The following CLPTM1 variants were observed in gnomAD, a reference collection of about 807,000 sequenced individuals.
CLPTM1 encodes putative lipid scramblase CLPTM1.
A neutral mutation model predicts 77.3 loss-of-function variants in CLPTM1; 21 were observed. The ratio of observed to expected loss-of-function variants is 0.27; its 90% CI spans 0.19 to 0.39. CLPTM1 has a LOEUF of 0.39. CLPTM1 is among the 10% of genes least tolerant of loss of function. CLPTM1 has a pLI of 1.00. For missense variants in CLPTM1, 642 were observed against 921.2 expected (o/e 0.70, Z 3.92); for synonymous variants, 373 against 381.0 (o/e 0.98, Z 0.24).
At chr19:44,961,755 T>C (rs1278507304) in intron 1 of CLPTM1, among the ~76,000 whole-genome samples, 1 of 152,188 alleles carries the variant, frequency 6.6e-6, no homozygotes, top group Non-Finnish European at 1.5e-5. Context: ...AGGTCACCAC[T>C]GTCCCTAGGT....
upstream of CLPTM1, chr19:44,954,630 G>A (rs1343854328): frequency 9.1e-7 from 1 of 1,094,512 alleles, no homozygotes; most frequent in African/African-American, 1.6e-5. Flanking sequence ...GTTTAGAGCT[G>A]TACGAAGACA....
chr19:44,954,788 TG>T (rs1970430609), upstream of CLPTM1: 1 of 1,328,574 alleles, frequency 7.5e-7, no homozygotes, highest in African/African-American at 1.5e-5. Flanking sequence ...ATCGGAGGTT[TG>T]TTGGCCGTAA....
In CLPTM1 at chr19:44,990,405, C is replaced by T; in HGVS notation, c.1143C>T (p.Phe381=). The change falls in exon 10 of 14, where the codon TTC becomes TTT. Residue 381 remains phenylalanine (F), a synonymous_variant. Coordinates refer to ENST00000337392, the MANE Select transcript of CLPTM1 (RefSeq NM_001294.4). The surrounding 1 kb of genome is among the most constrained non-coding windows in gnomAD (Gnocchi z 4.8). ...ACCCCCTGCGCACAGATATCCAGTT[C>T]TGGAACAGCCGGCAGTCCCTGGAGG... ...EFLAFKNDIQ[F]WNSRQSLEGL... The T allele has an allele frequency of 6.2e-7, 1 of 1,614,052 alleles. No homozygotes were observed. The highest frequency in any genetic ancestry group is 8.5e-7 in the Non-Finnish European group (1 of 1,179,940).
In CLPTM1 at chr19:44,992,202, A is replaced by G. The variant is rs1421847641; in HGVS notation, c.1556-31A>G. 3.1e-6 allele frequency: 5 copies of G among 1,611,914 alleles called. No individual in the cohort carries two copies. The highest frequency in any genetic ancestry group is 4.2e-6 in the Non-Finnish European group (5 of 1,178,546). ...GCACAGGGGAGAGGTGGGAGAGGCC[A>G]TCCCTCTGCTCATGGGTGCTCTCAC... is the stretch of plus-strand genomic sequence containing the variant. On this transcript the variant is annotated intron_variant, in intron 12 of 13. Transcript: ENST00000337392. The surrounding 1 kb of genome is among the most constrained non-coding windows in gnomAD (Gnocchi z 7.7).
rs1344588264 is a variant in CLPTM1 at position 44,990,620 on chromosome 19, C to T, written c.1323+35C>T. 1 of 1,605,712 alleles carries T rather than the reference C, an allele frequency of 6.2e-7. No homozygotes were observed. The highest frequency in any genetic ancestry group is 8.5e-7 in the Non-Finnish European group (1 of 1,174,830). On this transcript the variant is annotated intron_variant, in intron 10 of 13. Coordinates refer to ENST00000337392, the MANE Select transcript of CLPTM1 (RefSeq NM_001294.4). The surrounding 1 kb of genome is among the most constrained non-coding windows in gnomAD (Gnocchi z 4.8). The stretch of plus-strand genomic sequence containing the variant: ...GGGCGCCATGCTGTCTCGGGAGCTG[C>T]AGGGGTTGGGAGGGGGTAGTGTGGC...
intron 1 of CLPTM1, among the ~76,000 whole-genome samples, chr19:44,957,394 C>G (rs755231638): frequency 6.6e-6 from 1 of 152,252 alleles, no homozygotes; most frequent in African/African-American, 2.4e-5. Flanking sequence ...TTGATCACCA[C>G]TGCTTCCTTA....
chr19:44,971,036 G>A (rs1158727916), intron 2 of CLPTM1, among the ~76,000 whole-genome samples: 13 of 150,766 alleles, frequency 8.6e-5, no homozygotes, highest in African/African-American at 2.5e-4. Context: ...TCACCATGTT[G>A]GCCAGGCTGG....
In CLPTM1 at chr19:44,962,423, A is replaced by C. The variant is rs181806376; in HGVS notation, c.185+348A>C. ...TGAAATAGGAAATTCATTGTCTTAC[A>C]GTTCTGAAGGCTGGAAGTCCAGGAT... On this transcript the variant is annotated intron_variant, in intron 2 of 13. Coordinates refer to ENST00000337392, the MANE Select transcript of CLPTM1 (RefSeq NM_001294.4). Among the ~76,000 whole-genome samples the C allele has an allele frequency of 7.9e-5, 12 of 152,250 alleles. No homozygotes were observed. The East Asian group carries it at 2.1e-3, about 27-fold the overall frequency.
intron 1 of CLPTM1, among the ~76,000 whole-genome samples, chr19:44,957,333 G>C (rs1970480030): frequency 6.6e-6 from 1 of 152,248 alleles, no homozygotes; most frequent in African/African-American, 2.4e-5. Flanking sequence ...GCCCTACTGG[G>C]TTTCACTGTC....
At chr19:44,984,596 T>G (rs144290765) in intron 5 of CLPTM1, 2 of 152,676 alleles carry the variant, frequency 1.3e-5, no homozygotes, top group African/African-American at 4.8e-5. Context: ...TGGTGAGGGT[T>G]GAGAGGTCAC....
chr19:44,975,228 A>C (rs1229869640), intron 4 of CLPTM1, among the ~76,000 whole-genome samples: 1 of 152,170 alleles, frequency 6.6e-6, no homozygotes, highest in Non-Finnish European at 1.5e-5. Flanking sequence ...GGGTTCTCAC[A>C]CCTGCTGGGC....
rs201557502 is a variant in CLPTM1, at chr19:44,992,581, G to T, written c.1724-30G>T. 15 of 1,611,394 alleles carry T rather than the reference G, an allele frequency of 9.3e-6. No homozygotes were observed. The highest frequency in any genetic ancestry group is 1.3e-5 in the Non-Finnish European group (15 of 1,178,880). On this transcript the variant is annotated intron_variant, in intron 13 of 13. Coordinates refer to ENST00000337392, the MANE Select transcript of CLPTM1 (RefSeq NM_001294.4). This position sits in a 1 kb window ranked among gnomAD's most constrained non-coding sequence, Gnocchi z 7.7. ...CACCTGGCTGTGGACGGGCCAGCCC[G>T]ACCTCACACTGCCTCCCACCCCTCT...
At position 44,991,385 on chromosome 19, in the gene CLPTM1, G is replaced by A. The variant is rs202196741; in HGVS notation, c.1555+12G>A. 315 of 1,608,912 alleles carry A rather than the reference G, an allele frequency of 2.0e-4. 1 individual carries two copies. In the African/African-American group the frequency reaches 3.1e-3, roughly 16 times the overall value. ...CCTGCTGACCTTCGGTGAGCGGTCC[G>A]GCCGCCCCAGGAGAGAGCAGGCCCC... is the stretch of plus-strand genomic sequence containing the variant. On this transcript the variant is annotated intron_variant, in intron 12 of 13. Transcript: ENST00000337392. The surrounding 1 kb of genome is among the most constrained non-coding windows in gnomAD (Gnocchi z 5.4).
In CLPTM1 at chr19:44,955,422, G is replaced by A; in HGVS notation, c.27G>A (p.Gly9=). 7.4e-7 allele frequency: 1 copy of A among 1,345,842 alleles called. No homozygotes were observed. Among genetic ancestry groups the A allele is most frequent in the Non-Finnish European group, 9.5e-7 (1 of 1,051,706 alleles). The allele number at this position is 1,345,842 out of a possible 1,614,324, so 83.4% of individuals were successfully genotyped here. Residue 9 remains glycine, a synonymous_variant, in exon 1 of 14, where the codon GGG becomes GGA. Transcript: ENST00000337392. MAAAQEAD[G]ARSAVVAAGG... Reference sequence around the variant, plus strand: ...TGGCGGCGGCGCAGGAGGCGGACGGGGCCCGCAGCGCCGTGGTGGCGGCCG... The same window carrying A: ...TGGCGGCGGCGCAGGAGGCGGACGGAGCCCGCAGCGCCGTGGTGGCGGCCG...
rs980051950 is a variant in CLPTM1, at chr19:44,991,272, C to T, written c.1454C>T (p.Pro485Leu). Residue 485 changes from proline (P) to leucine (L), a missense_variant, in exon 12 of 14, where the codon CCG (proline) becomes CTG (leucine). This residue lies in a region of CLPTM1 where 521 missense variants were observed against 800.4 expected (regional missense o/e 0.65). Coordinates refer to ENST00000337392, the MANE Select transcript of CLPTM1 (RefSeq NM_001294.4). This position sits in a 1 kb window ranked among gnomAD's most constrained non-coding sequence, Gnocchi z 5.4. ...CGGTACCTGTCCTGGATCCTCTTCC[C>T]GCTCCTGGGCTGCTATGCCGTCTAC... Reference protein sequence around the residue: ...AFRYLSWILFPLLGCYAVYSL... With the variant: ...AFRYLSWILFLLLGCYAVYSL... 8 of 1,614,028 alleles carry T rather than the reference C, an allele frequency of 5.0e-6. No individual in the cohort carries two copies. Among genetic ancestry groups the T allele is most frequent in the Admixed American group, 1.7e-5 (1 of 60,008 alleles).
intron 1 of CLPTM1, among the ~76,000 whole-genome samples, chr19:44,961,565 A>G (rs1168783442): frequency 2.0e-5 from 3 of 151,982 alleles, no homozygotes; most frequent in Non-Finnish European, 4.4e-5. Context: ...CCAACTTGCT[A>G]TGTTTTAGGT....
At chr19:44,956,507 A>G (rs1970466469) in intron 1 of CLPTM1, among the ~76,000 whole-genome samples, 1 of 152,202 alleles carries the variant, frequency 6.6e-6, no homozygotes, top group African/African-American at 2.4e-5. Flanking sequence ...GGTAGGACAC[A>G]TGGATGAAAT....
At position 44,966,398 on chromosome 19, in the gene CLPTM1, G is replaced by A. The variant is rs553030590; in HGVS notation, c.185+4323G>A. Among the ~76,000 whole-genome samples, 6 of 143,116 alleles carry A rather than the reference G, an allele frequency of 4.2e-5. No individual in the cohort carries two copies. In the South Asian group the frequency reaches 7.0e-4, roughly 17 times the overall value. 93.9% of individuals were successfully genotyped at this position (143,116 alleles called of 152,430 possible). On this transcript the variant is annotated intron_variant, in intron 2 of 13. Transcript: ENST00000337392. ...TGCACTCCAGCCTGGGTGACAGAGC[G>A]AGACACAGTCTCAAAAATAAAAAAG...
chr19:44,954,821 A>G, upstream of CLPTM1: 2 of 1,213,960 alleles, frequency 1.6e-6, no homozygotes, highest in South Asian at 1.6e-5. Flanking sequence ...TTGGAACTCT[A>G]AAAACACAGA....
Sources: gnomAD v4.1 joint callset for allele counts (sites outside exome capture counted in the v4.1 genomes callset) on GRCh38, gnomAD v4.1.1 for gene constraint, gnomAD v4.1.1 regional missense constraint, Gnocchi (gnomAD v3.1) non-coding constraint, MANE v1.5 for transcripts, NCBI Gene and HGNC (gene_info 2026-07-23, HGNC 2026-07-21) for gene names.